Variants in BEST3 observed in about 807,000 individuals in gnomAD.
The protein encoded by BEST3 is bestrophin 3, also known as bestrophin-3.
In BEST3, 50 loss-of-function variants were observed where a neutral mutation model predicts 47.1. That is an observed-to-expected ratio of 1.06 (90% CI 0.85 to 1.34). The LOEUF is 1.34. Among genes scored for constraint, BEST3 ranks in the 40% most tolerant of loss-of-function variants. The pLI, the probability that BEST3 is intolerant of heterozygous loss-of-function variation, is 0.00. For synonymous variants in BEST3, 282 were observed against 298.8 expected (o/e 0.94, Z 0.58); for missense variants, 765 against 817.0 (o/e 0.94, Z 0.78).
In BEST3 at chr12:69,654,993, C is replaced by T; in HGVS notation, c.1921G>A (p.Asp641Asn). 6.2e-7 allele frequency: 1 copy of T among 1,614,060 alleles called. No individual in the cohort carries two copies. The highest frequency in any genetic ancestry group is 8.5e-7 in the Non-Finnish European group (1 of 1,180,006). The change falls in exon 10 of 10, where the codon GAT becomes AAT. Residue 641 changes from aspartate (D) to asparagine (N), a missense_variant. By Grantham distance (23) the Asp-to-Asn change is conservative. Coordinates refer to ENST00000330891, the MANE Select transcript of BEST3 (RefSeq NM_032735.3). The stretch of plus-strand genomic sequence containing the variant: ...AGGTTTTCCATTAAATACAGCATAT[C>T]AGAAGAGACTCGAGAGCCAGCCACA... ...NIVAGSRVSS[D>N]MLYLMENLDT...
intron 4 of BEST3, chr12:69,684,375 C>T (rs1885432756): frequency 2.3e-6 from 1 of 430,448 alleles, no homozygotes; most frequent in Non-Finnish European, 4.2e-6. Flanking sequence ...TACTTTAAGA[C>T]AAAATTTTAT....
At chr12:69,661,912 A>G (rs982119707) in intron 9 of BEST3, among the ~76,000 whole-genome samples, 3 of 152,166 alleles carry the variant, frequency 2.0e-5, no homozygotes, top group Non-Finnish European at 2.9e-5. Flanking sequence ...AGGCTTATCT[A>G]GCTACATCCT....
chr12:69,673,365 G>C (rs1338752429), intron 7 of BEST3, among the ~76,000 whole-genome samples: 1 of 152,160 alleles, frequency 6.6e-6, no homozygotes, highest in African/African-American at 2.4e-5. Context: ...ATGTACACAG[G>C]GAGAAGGTTA....
intron 4 of BEST3, chr12:69,688,920 T>C (rs1164208661): frequency 4.5e-6 from 1 of 223,894 alleles, no homozygotes; most frequent in Non-Finnish European, 7.5e-6. Context: ...TTAGCAATAT[T>C]GATTTTAACA....
At chr12:69,681,753 T>C (rs1410845661) in intron 4 of BEST3, among the ~76,000 whole-genome samples, 1 of 152,108 alleles carries the variant, frequency 6.6e-6, no homozygotes, top group East Asian at 1.9e-4. Context: ...AACCCAAGTC[T>C]GCACCTTAGA....
intron 4 of BEST3, among the ~76,000 whole-genome samples, chr12:69,680,735 C>T (rs376497477): frequency 1.3e-5 from 2 of 152,130 alleles, no homozygotes; most frequent in Non-Finnish European, 2.9e-5. Flanking sequence ...GAGGAAATCA[C>T]GATGATCTGT....
At chr12:69,646,220 G>T (rs1057244272) in intron 9 of BEST3, among the ~76,000 whole-genome samples, 4 of 152,316 alleles carry the variant, frequency 2.6e-5, no homozygotes, top group African/African-American at 9.6e-5. Flanking sequence ...TTACAGGCGT[G>T]AGCCACCGTG....
intron 4 of BEST3, chr12:69,684,684 T>G (rs1049474191): frequency 2.4e-5 from 13 of 544,258 alleles, no homozygotes; most frequent in East Asian, 2.1e-4. Context: ...GAGTGCAACG[T>G]GCCTGGCTTG....
At chr12:69,679,644 T>C (rs994926142) in intron 4 of BEST3, among the ~76,000 whole-genome samples, 5 of 152,190 alleles carry the variant, frequency 3.3e-5, no homozygotes, top group African/African-American at 1.2e-4. Context: ...GTGGATCACT[T>C]GAGGTCAGGA....
intron 9 of BEST3, among the ~76,000 whole-genome samples, chr12:69,668,242 TGAAAAGGTAA>T (rs1884349509): frequency 6.6e-6 from 1 of 152,108 alleles, no homozygotes; most frequent in Admixed American, 6.5e-5. Flanking sequence ...AACATTGATA[TGAAAAGGTAA>T]GGAAAATTTG....
In BEST3 at chr12:69,654,722, G is replaced by A. The variant is rs553445118; in HGVS notation, c.*185C>T. 3.1e-4 allele frequency: 423 copies of A among 1,345,688 alleles called. No homozygotes were observed. Among genetic ancestry groups the A allele is most frequent in the Non-Finnish European group, 3.9e-4 (406 of 1,050,146 alleles). The allele number at this position is 1,345,688 out of a possible 1,614,324, so 83.4% of individuals were successfully genotyped here. A position where few individuals can be genotyped will look rare whatever the true frequency, so the allele number is the denominator to read the frequency against. On this transcript the variant is annotated 3_prime_UTR_variant, in exon 10 of 10. Transcript: ENST00000330891. Reference sequence around the variant, plus strand: ...ATGTTGTGTTGGATGACGTGAATGCGTTTGATTTTTCGCAGCTCTCAAAAA... The same window carrying A: ...ATGTTGTGTTGGATGACGTGAATGCATTTGATTTTTCGCAGCTCTCAAAAA...
Position 69,654,027 on chromosome 12 carries a change from C to T in BEST3, c.*880G>A. On this transcript the variant is annotated 3_prime_UTR_variant, in exon 10 of 10. Transcript: ENST00000330891. ...TGGAAGCAGAAAGAAATGTCAATGGCTGCAAGGGCACGGGGGGAACCATCA... is the reference window on the plus strand; with the variant it reads ...TGGAAGCAGAAAGAAATGTCAATGGTTGCAAGGGCACGGGGGGAACCATCA... 1.0e-6 allele frequency: 1 copy of T among 985,434 alleles called. No individual in the cohort carries two copies. Among genetic ancestry groups the T allele is most frequent in the Non-Finnish European group, 1.2e-6 (1 of 829,938 alleles). 61.0% of individuals were successfully genotyped at this position (985,434 alleles called of 1,614,324 possible).
rs76353261 is a variant in BEST3, at chr12:69,664,386, A to T, written c.1100+7042T>A. 1.6e-4 allele frequency among the ~76,000 whole-genome samples: 25 copies of T among 152,060 alleles called. No homozygotes were observed. In the East Asian group the frequency reaches 4.3e-3, roughly 26 times the overall value. ...CCATCTCCCCCTCTCCCCTTACTGTATCCAACTTCAACTGCTTCCCTGTAG... is the reference window on the plus strand; with the variant it reads ...CCATCTCCCCCTCTCCCCTTACTGTTTCCAACTTCAACTGCTTCCCTGTAG... On this transcript the variant is annotated intron_variant, in intron 9 of 9. Transcript: ENST00000330891.
intron 4 of BEST3, among the ~76,000 whole-genome samples, chr12:69,680,926 T>C (rs1885219784): frequency 7.2e-6 from 1 of 138,652 alleles, no homozygotes; most frequent in Non-Finnish European, 1.6e-5. Flanking sequence ...CTGCTCTCTA[T>C]ATATTAACAT....
At chr12:69,678,268 T>A (rs962145271) in intron 5 of BEST3, among the ~76,000 whole-genome samples, 2 of 152,196 alleles carry the variant, frequency 1.3e-5, no homozygotes, top group African/African-American at 4.8e-5. Flanking sequence ...TCAGGGTTAT[T>A]TTGATTAATG....
At chr12:69,659,159 G>GA (rs1883713536) in intron 9 of BEST3, among the ~76,000 whole-genome samples, 2 of 152,084 alleles carry the variant, frequency 1.3e-5, no homozygotes, top group Admixed American at 1.3e-4. Context: ...ATGCCCTCCA[G>GA]GTCTTAATGC....
At position 69,654,425 on chromosome 12, in the gene BEST3, A is replaced by C; in HGVS notation, c.*482T>G. ...GAGATGGTTAGAAAGCCTCAAACAAAAACGTTAGGAAGGAGGGGATCTTTC... is the reference window on the plus strand; with the variant it reads ...GAGATGGTTAGAAAGCCTCAAACAACAACGTTAGGAAGGAGGGGATCTTTC... On this transcript the variant is annotated 3_prime_UTR_variant, in exon 10 of 10. Transcript: ENST00000330891. The C allele has an allele frequency of 1.0e-6, 1 of 986,150 alleles. No homozygotes were observed. Among genetic ancestry groups the C allele is most frequent in the Non-Finnish European group, 1.2e-6 (1 of 830,486 alleles). 61.1% of individuals were successfully genotyped at this position (986,150 alleles called of 1,614,324 possible).
At chr12:69,675,462 T>A (rs1884854689) in intron 7 of BEST3, among the ~76,000 whole-genome samples, 1 of 152,208 alleles carries the variant, frequency 6.6e-6, no homozygotes. Context: ...TTAGAAAGCA[T>A]GTCAGAGGGA....
chr12:69,689,313 T>C, intron 4 of BEST3: 3 of 969,860 alleles, frequency 3.1e-6, no homozygotes, highest in Non-Finnish European at 3.7e-6. Flanking sequence ...GAGTCAGCGC[T>C]GCCGGTGACA....
Sources: allele counts gnomAD v4.1 joint callset (sites outside exome capture counted in the v4.1 genomes callset), GRCh38; gene constraint gnomAD v4.1.1; transcripts MANE v1.5; gene names NCBI Gene and HGNC (gene_info 2026-07-23, HGNC 2026-07-21).